The following PRKAR1A variants were observed in gnomAD, a reference collection of about 807,000 sequenced individuals.
PRKAR1A encodes the protein protein kinase cAMP-dependent type I regulatory subunit alpha.
PRKAR1A carries 3 observed loss-of-function variants against 52.0 expected under a neutral mutation model. The ratio of observed to expected loss-of-function variants is 0.06; its 90% confidence interval spans 0.03 to 0.15. The LOEUF (loss-of-function observed/expected upper bound fraction) is 0.15. Ranked by LOEUF, PRKAR1A falls within the 10% of genes least tolerant of loss-of-function variation. The pLI, the probability that PRKAR1A is intolerant of heterozygous loss-of-function variation, is 1.00. For missense variants in PRKAR1A, 240 were observed against 477.4 expected (o/e 0.50, Z 4.63); for synonymous variants, 188 against 168.4 (o/e 1.12, Z -0.90).
chr17:68,477,087 C>T, the PRKAR1A span, among the ~76,000 whole-genome samples: 2 of 152,134 alleles, frequency 1.3e-5, no homozygotes, highest in Non-Finnish European at 2.9e-5. Context: ...TGTCTTGGTA[C>T]AATAGAGAAG....
the PRKAR1A span, among the ~76,000 whole-genome samples, chr17:68,486,491 TTCC>T: frequency 1.4e-4 from 7 of 51,130 alleles, no homozygotes; most frequent in African/African-American, 4.8e-4. Flanking sequence ...CCTTCCTTCC[TTCC>T]TTCCTTCCTT....
At chr17:68,492,512 A>C in the PRKAR1A span, among the ~76,000 whole-genome samples, 1 of 152,150 alleles carries the variant, frequency 6.6e-6, no homozygotes, top group Non-Finnish European at 1.5e-5. Flanking sequence ...GGAGAGCGAA[A>C]GGGAGAAGAA....
At chr17:68,433,488 CT>C in the PRKAR1A span, 1 of 1,613,924 alleles carries the variant, frequency 6.2e-7, no homozygotes. Flanking sequence ...CCTGTTCCAG[CT>C]TGAAGATGTG....
the PRKAR1A span, among the ~76,000 whole-genome samples, chr17:68,451,087 C>T: frequency 1.3e-5 from 2 of 152,214 alleles, no homozygotes; most frequent in African/African-American, 4.8e-5. Context: ...GGCTTTTTAC[C>T]CTCTCCCAGG....
downstream of PRKAR1A, chr17:68,537,624 G>T (rs1051754649): frequency 3.1e-6 from 5 of 1,613,730 alleles, 1 homozygote; most frequent in Middle Eastern, 4.9e-4. The surrounding 1 kb of genome is among the most constrained non-coding windows in gnomAD (Gnocchi z 4.2). Context: ...CAAGGAGGTG[G>T]GGTTCAGTGA....
the PRKAR1A span, chr17:68,436,450 T>C: frequency 6.2e-7 from 1 of 1,613,684 alleles, no homozygotes; most frequent in Non-Finnish European, 8.5e-7. Flanking sequence ...AGGTAAGAAT[T>C]GGAATGGTTG....
rs141848647 is a variant in PRKAR1A at position 68,539,536 on chromosome 17, C to T, written c.973+9535C>T. On this transcript the variant is annotated intron_variant, in intron 11 of 11. Transcript: ENST00000585981. ...ATCATGGCAGCTGCCTCTCCAGCCC[C>T]TCTCCCCAGTCAGATCACAAAAGCA... 7.2e-4 allele frequency: 551 copies of T among 767,574 alleles called. 3 individuals are homozygous for T. The highest frequency in any genetic ancestry group is 5.9e-3 in the African/African-American group (347 of 58,920). 47.5% of individuals were successfully genotyped at this position (767,574 alleles called of 1,614,324 possible). A position where few individuals can be genotyped will look rare whatever the true frequency, so the allele number is the denominator to read the frequency against.
chr17:68,530,186 CAT>C (rs1196178830), intron 10 of PRKAR1A, 89 bp from the exon 11 acceptor site: 6 of 1,536,256 alleles, frequency 3.9e-6, no homozygotes, highest in Non-Finnish European at 5.4e-6. Flanking sequence ...CTGATTGTCT[CAT>C]ATCTATTGTC....
At chr17:68,465,871 G>A in the PRKAR1A span, among the ~76,000 whole-genome samples, 7 of 152,044 alleles carry the variant, frequency 4.6e-5, no homozygotes, top group Admixed American at 1.3e-4. Flanking sequence ...AGAGGATGTC[G>A]GAGAGGGGCG....
the PRKAR1A span, among the ~76,000 whole-genome samples, chr17:68,414,661 TTTG>T: frequency 1.8e-3 from 279 of 152,134 alleles, 2 homozygotes; most frequent in African/African-American, 5.9e-3. Flanking sequence ...GTCCTAGACT[TTTG>T]TTGTTGTTGT....
At position 68,530,616 on chromosome 17, in the gene PRKAR1A, A is replaced by G; in HGVS notation, c.*167A>G. The G allele has an allele frequency of 6.5e-7, 1 of 1,529,426 alleles. No homozygotes were observed. The highest frequency in any genetic ancestry group is 8.8e-7 in the Non-Finnish European group (1 of 1,140,530). 94.7% of individuals were successfully genotyped at this position (1,529,426 alleles called of 1,614,324 possible). On this transcript the variant is annotated 3_prime_UTR_variant, in exon 11 of 11. Transcript: ENST00000589228. ...TATTGCACCATTTTCAATTTGGAGC[A>G]TTAACTAAATGCTCATACACAGTTA...
At chr17:68,538,663 G>A (rs1269245188) in intron 11 of PRKAR1A, among the ~76,000 whole-genome samples, 2 of 152,200 alleles carry the variant, frequency 1.3e-5, no homozygotes, top group Admixed American at 6.5e-5. Flanking sequence ...TGGTGATCAA[G>A]TAGTAATATT....
the PRKAR1A span, among the ~76,000 whole-genome samples, chr17:68,497,891 C>A: frequency 2.0e-5 from 3 of 152,090 alleles, no homozygotes; most frequent in African/African-American, 7.2e-5. Flanking sequence ...ATGAAAGAAG[C>A]AACAACAAGG....
chr17:68,529,095 TGAACTA>T (rs1055249286), intron 9 of PRKAR1A, 104 bp downstream of exon 9: 2 of 1,363,798 alleles, frequency 1.5e-6, no homozygotes, highest in African/African-American at 2.9e-5. Context: ...GGGCTAATTC[TGAACTA>T]TAGCTTTAGT....
the PRKAR1A span, among the ~76,000 whole-genome samples, chr17:68,483,884 G>GA: frequency 6.6e-6 from 1 of 151,048 alleles, no homozygotes; most frequent in Non-Finnish European, 1.5e-5. Flanking sequence ...AGAAAGAAAA[G>GA]AAAAAAAATC....
the PRKAR1A span, among the ~76,000 whole-genome samples, chr17:68,433,027 C>G: frequency 6.6e-6 from 1 of 152,168 alleles, no homozygotes; most frequent in Non-Finnish European, 1.5e-5. Context: ...GCTTCCCAAG[C>G]GCTCAGTGGT....
the PRKAR1A span, among the ~76,000 whole-genome samples, chr17:68,451,319 A>T: frequency 6.6e-6 from 1 of 152,210 alleles, no homozygotes; most frequent in Non-Finnish European, 1.5e-5. Flanking sequence ...CTGTAATCTC[A>T]GCTACTCGGG....
the PRKAR1A span, among the ~76,000 whole-genome samples, chr17:68,451,303 G>T: frequency 1.3e-5 from 2 of 152,090 alleles, no homozygotes; most frequent in Non-Finnish European, 2.9e-5. Context: ...GTATGGTGGT[G>T]CACACCTGTA....
At position 68,531,478 on chromosome 17, in the gene PRKAR1A, A is replaced by G; in HGVS notation, c.*1029A>G. 1.9e-6 allele frequency: 2 copies of G among 1,066,296 alleles called. No homozygotes were observed. The highest frequency in any genetic ancestry group is 2.3e-6 in the Non-Finnish European group (2 of 879,622). 66.1% of individuals were successfully genotyped at this position (1,066,296 alleles called of 1,614,324 possible). On this transcript the variant is annotated 3_prime_UTR_variant, in exon 11 of 11. Transcript: ENST00000589228. ...TGCTAAAGGGAGAAATGCCAGGCGG[A>G]CAAAGTTCAGTGTCGGGAATTTTCC...
Sources: gnomAD v4.1 joint callset for allele counts (sites outside exome capture counted in the v4.1 genomes callset) on GRCh38, gnomAD v4.1.1 for gene constraint, Gnocchi (gnomAD v3.1) non-coding constraint, MANE v1.5 for transcripts, NCBI Gene and HGNC (gene_info 2026-07-23, HGNC 2026-07-21) for gene names.